Variants in PTPRG observed in about 807,000 individuals in gnomAD.
The protein encoded by PTPRG is receptor-type tyrosine-protein phosphatase gamma.
A neutral mutation model predicts 165.3 loss-of-function variants in PTPRG; 102 were observed. That is an observed-to-expected ratio of 0.62 (90% CI 0.53 to 0.73). PTPRG has a LOEUF of 0.73. Ranked by LOEUF, PTPRG falls within the 30% of genes least tolerant of loss-of-function variation. The probability of loss-of-function intolerance (pLI) is 0.00; values close to 1 mark genes in which losing one functional copy is unlikely to be tolerated. For missense variants in PTPRG, 1,866 were observed against 1,861.4 expected (o/e 1.00, Z -0.05); for synonymous variants, 675 against 669.5 (o/e 1.01, Z -0.13).
At chr3:62,123,415 G>GT (rs933692249) in intron 5 of PTPRG, among the ~76,000 whole-genome samples, 16 of 152,084 alleles carry the variant, frequency 1.1e-4, no homozygotes, top group South Asian at 2.1e-4. Flanking sequence ...ACTGGCTAAT[G>GT]TTTTTTATTT....
At chr3:62,249,411 G>T (rs190173149) in intron 15 of PTPRG, among the ~76,000 whole-genome samples, 9 of 152,174 alleles carry the variant, frequency 5.9e-5, no homozygotes, top group African/African-American at 1.9e-4. Flanking sequence ...TGGAGGGAAG[G>T]GGGTGGGTAA....
chr3:61,719,993 T>C (rs941876224), intron 1 of PTPRG, among the ~76,000 whole-genome samples: 1 of 152,210 alleles, frequency 6.6e-6, no homozygotes, highest in African/African-American at 2.4e-5. Context: ...TCCTGACTTG[T>C]CCTATGTCCT....
intron 1 of PTPRG, among the ~76,000 whole-genome samples, chr3:61,730,221 C>A (rs1366240772): frequency 6.6e-6 from 1 of 151,854 alleles, no homozygotes; most frequent in Non-Finnish European, 1.5e-5. Flanking sequence ...AGCCCACCAA[C>A]TGTTGCAGCT....
At chr3:61,608,416 ATG>A (rs1415874997) in intron 1 of PTPRG, among the ~76,000 whole-genome samples, 2 of 152,080 alleles carry the variant, frequency 1.3e-5, no homozygotes, top group African/African-American at 4.8e-5. Flanking sequence ...AATTGGGAGG[ATG>A]TGTGTGCTGG....
intron 2 of PTPRG, among the ~76,000 whole-genome samples, chr3:61,869,768 TTTTG>T (rs1305411183): frequency 6.6e-6 from 1 of 151,980 alleles, no homozygotes; most frequent in Non-Finnish European, 1.5e-5. Context: ...TTTTGTTTTG[TTTTG>T]TTTTGTTTTG....
At position 62,029,588 on chromosome 3, in the gene PTPRG, C is replaced by T. The variant is rs148759991; in HGVS notation, c.519+26091C>T. On this transcript the variant is annotated intron_variant, in intron 4 of 29. Transcript: ENST00000474889. ...AAACTTACCATCTGGATGCTGTCCACATTTTAAAAACACATAAATTAAAAC... is the reference window on the plus strand; with the variant it reads ...AAACTTACCATCTGGATGCTGTCCATATTTTAAAAACACATAAATTAAAAC... Among the ~76,000 whole-genome samples the T allele has an allele frequency of 8.0e-4, 122 of 152,316 alleles. No individual in the cohort carries two copies. In the East Asian group the frequency reaches 0.018, roughly 22 times the overall value.
At chr3:62,113,118 T>C (rs560472749) in intron 5 of PTPRG, among the ~76,000 whole-genome samples, 115 of 152,320 alleles carry the variant, frequency 7.5e-4, no homozygotes, top group African/African-American at 2.6e-3. Context: ...TTGTGCTCCT[T>C]ACCCAGGTCA....
rs141282617 is a variant in PTPRG at position 61,840,059 on chromosome 3, A to G, written c.190+91077A>G. Among the ~76,000 whole-genome samples, 23 of 152,298 alleles carry G rather than the reference A, an allele frequency of 1.5e-4. 1 individual carries two copies. In the East Asian group the frequency reaches 3.9e-3, roughly 26 times the overall value. ...CACACATATATTTATGTATACACTTATAGTTTATATGCACATATATATTTA... is the reference window on the plus strand; with the variant it reads ...CACACATATATTTATGTATACACTTGTAGTTTATATGCACATATATATTTA... On this transcript the variant is annotated intron_variant, in intron 2 of 29. Coordinates refer to ENST00000474889, the MANE Select transcript of PTPRG (RefSeq NM_002841.4).
chr3:61,845,622 G>T (rs1057085728), intron 2 of PTPRG, among the ~76,000 whole-genome samples: 3 of 152,124 alleles, frequency 2.0e-5, no homozygotes, highest in African/African-American at 7.2e-5. Context: ...CTCTGTAAAG[G>T]TGTATATTGT....
Position 61,972,122 on chromosome 3 carries a change from T to G in PTPRG, c.191-17503T>G, listed in dbSNP as rs2040398937. Reference sequence around the variant, plus strand: ...AGCACAATGGAAGACGGTTTACATATGTGTGGCAGAATAGGTCTTATTGAT... The same window carrying G: ...AGCACAATGGAAGACGGTTTACATAGGTGTGGCAGAATAGGTCTTATTGAT... On this transcript the variant is annotated intron_variant, in intron 2 of 29. Transcript: ENST00000474889. Among the ~76,000 whole-genome samples, 4 of 152,196 alleles carry G rather than the reference T, an allele frequency of 2.6e-5. No homozygotes were observed. The South Asian group carries it at 8.3e-4, about 31-fold the overall frequency.
At chr3:62,043,494 T>A (rs1409054611) in intron 4 of PTPRG, among the ~76,000 whole-genome samples, 4 of 152,212 alleles carry the variant, frequency 2.6e-5, no homozygotes, top group Admixed American at 2.6e-4. Context: ...TTTAGAGCCC[T>A]TCTCATAAGA....
chr3:62,113,601 A>T (rs1702749134), intron 5 of PTPRG, among the ~76,000 whole-genome samples: 1 of 152,204 alleles, frequency 6.6e-6, no homozygotes, highest in Non-Finnish European at 1.5e-5. Context: ...GGTTGTAAAA[A>T]TAATCATGCT....
chr3:61,647,356 T>C (rs536569251), intron 1 of PTPRG, among the ~76,000 whole-genome samples: 26 of 152,302 alleles, frequency 1.7e-4, no homozygotes, highest in African/African-American at 5.5e-4. Flanking sequence ...ATACACATAC[T>C]ATCTAATTTA....
rs145447151 is a variant in PTPRG at position 61,587,560 on chromosome 3, G to A, written c.85+25188G>A. ...CAGAAAACCAACTCAGATACATTCT[G>A]TTATGTAATTACAGACCTTATTCAA... is the stretch of plus-strand genomic sequence containing the variant. On this transcript the variant is annotated intron_variant, in intron 1 of 29. Transcript: ENST00000474889. Among the ~76,000 whole-genome samples, 8 of 152,188 alleles carry A rather than the reference G, an allele frequency of 5.3e-5. No homozygotes were observed. The East Asian group carries it at 1.5e-3, about 29-fold the overall frequency.
At chr3:61,806,605 A>C (rs888307898) in intron 2 of PTPRG, among the ~76,000 whole-genome samples, 1 of 151,182 alleles carries the variant, frequency 6.6e-6, no homozygotes, top group Non-Finnish European at 1.5e-5. Context: ...TTTTCTTCTT[A>C]AATTATCTAA....
chr3:61,816,458 G>C (rs905605489), intron 2 of PTPRG, among the ~76,000 whole-genome samples: 1 of 152,138 alleles, frequency 6.6e-6, no homozygotes, highest in African/African-American at 2.4e-5. Context: ...CTTGAACCCT[G>C]GAGGCGGAGG....
At chr3:61,847,217 G>A (rs115235132) in intron 2 of PTPRG, among the ~76,000 whole-genome samples, 625 of 152,254 alleles carry the variant, frequency 4.1e-3, no homozygotes, top group African/African-American at 0.014. Flanking sequence ...TTATGTAAAT[G>A]GGAAATTTGG....
At chr3:61,601,934 C>T (rs952068349) in intron 1 of PTPRG, among the ~76,000 whole-genome samples, 4 of 152,308 alleles carry the variant, frequency 2.6e-5, no homozygotes, top group African/African-American at 4.8e-5. Context: ...CACTCTCATG[C>T]GTGGTTTCAT....
intron 4 of PTPRG, among the ~76,000 whole-genome samples, chr3:62,049,011 G>A (rs991028229): frequency 6.6e-6 from 1 of 152,084 alleles, no homozygotes; most frequent in African/African-American, 2.4e-5. Flanking sequence ...TTTGCGAATG[G>A]AGTCAGGAAA....
Sources: gnomAD v4.1 joint callset for allele counts (sites outside exome capture counted in the v4.1 genomes callset) on GRCh38, gnomAD v4.1.1 for gene constraint, MANE v1.5 for transcripts, NCBI Gene and HGNC (gene_info 2026-07-23, HGNC 2026-07-21) for gene names.